SORCS1: variants seen among roughly 807,000 people sequenced by gnomAD.
SORCS1 encodes VPS10 domain-containing receptor SorCS1.
Under a neutral mutation model 146.1 loss-of-function variants are expected in SORCS1, and 60 were observed. That is an observed-to-expected ratio of 0.41 (90% CI 0.33 to 0.51). The LOEUF (loss-of-function observed/expected upper bound fraction) is 0.51. Ranked by LOEUF, SORCS1 falls within the 20% of genes least tolerant of loss-of-function variation. The probability of loss-of-function intolerance (pLI) is 0.21; values close to 1 mark genes in which losing one functional copy is unlikely to be tolerated. For synonymous variants in SORCS1, 637 were observed against 584.0 expected (o/e 1.09, Z -1.31); for missense variants, 1,352 against 1,487.6 (o/e 0.91, Z 1.50).
chr10:107,130,781 A>T (rs970163929), intron 1 of SORCS1, among the ~76,000 whole-genome samples: 42 of 152,100 alleles, frequency 2.8e-4, no homozygotes, highest in African/African-American at 1.0e-3. Flanking sequence ...AATTGGAATT[A>T]AAAAATACAT....
chr10:106,912,819 C>T (rs916425288), intron 2 of SORCS1, among the ~76,000 whole-genome samples: 1 of 152,104 alleles, frequency 6.6e-6, no homozygotes, highest in Non-Finnish European at 1.5e-5. Flanking sequence ...GCTGGGACTA[C>T]AGGCGCACAC....
intron 1 of SORCS1, among the ~76,000 whole-genome samples, chr10:107,027,187 T>C (rs1032175101): frequency 6.6e-6 from 1 of 151,764 alleles, no homozygotes; most frequent in Non-Finnish European, 1.5e-5. Context: ...TCGTAAAATA[T>C]TCACTGTTTA....
At chr10:107,127,368 C>T (rs1565079011) in intron 1 of SORCS1, among the ~76,000 whole-genome samples, 1 of 152,076 alleles carries the variant, frequency 6.6e-6, no homozygotes, top group East Asian at 1.9e-4. Context: ...GTTTGGGCCT[C>T]CATAGGTCTG....
At chr10:107,111,648 A>G (rs936076849) in intron 1 of SORCS1, among the ~76,000 whole-genome samples, 5 of 152,198 alleles carry the variant, frequency 3.3e-5, no homozygotes, top group Non-Finnish European at 7.4e-5. Flanking sequence ...AGTAAGAGAC[A>G]GAGAATTATT....
chr10:107,003,437 T>A (rs1485941922), intron 1 of SORCS1, among the ~76,000 whole-genome samples: 1 of 112,558 alleles, frequency 8.9e-6, no homozygotes, highest in Non-Finnish European at 1.6e-5. Flanking sequence ...TAAGTGTGTG[T>A]GTGTGTGTGT....
In SORCS1 at chr10:106,970,338, T is replaced by TTTTTTTC. The variant is rs1260679341; in HGVS notation, c.559-13759_559-13758insGAAAAAA. On this transcript the variant is annotated intron_variant, in intron 1 of 25. Coordinates refer to ENST00000263054, the MANE Select transcript of SORCS1 (RefSeq NM_052918.5). ...CCCTCCAAATGTAACCAACATCTCT[T>TTTTTTTC]TTTTTTTTTTTTTTTTTGAGATGGA... 1.1e-3 allele frequency among the ~76,000 whole-genome samples: 142 copies of TTTTTTTC among 129,638 alleles called. 5 individuals carry two copies. Among genetic ancestry groups the TTTTTTTC allele is most frequent in the African/African-American group, 4.7e-3 (131 of 27,776 alleles). The allele number at this position is 129,638 out of a possible 152,430, so 85.0% of individuals were successfully genotyped here.
intron 1 of SORCS1, among the ~76,000 whole-genome samples, chr10:107,008,323 A>G (rs567094869): frequency 6.6e-6 from 1 of 152,332 alleles, no homozygotes; most frequent in South Asian, 2.1e-4. Context: ...AGCAGTGTTC[A>G]AGCCAAGTCA....
chr10:106,707,565 A>G (rs1282549212), intron 7 of SORCS1, among the ~76,000 whole-genome samples: 2 of 152,126 alleles, frequency 1.3e-5, no homozygotes, highest in Non-Finnish European at 2.9e-5. Context: ...CAGTGGCACA[A>G]TCATAGCTCA....
At chr10:106,807,385 T>G (rs150368653) in intron 3 of SORCS1, among the ~76,000 whole-genome samples, 1 of 152,272 alleles carries the variant, frequency 6.6e-6, no homozygotes, top group Non-Finnish European at 1.5e-5. Context: ...AATAAATTGT[T>G]TCATTCACTA....
At chr10:107,105,411 G>C (rs941039883) in intron 1 of SORCS1, among the ~76,000 whole-genome samples, 1 of 152,296 alleles carries the variant, frequency 6.6e-6, no homozygotes, top group Non-Finnish European at 1.5e-5. Context: ...ACGATCATAA[G>C]GTGAAGTCCC....
At chr10:107,169,799 C>T in the SORCS1 span, among the ~76,000 whole-genome samples, 3 of 152,076 alleles carry the variant, frequency 2.0e-5, no homozygotes, top group African/African-American at 7.2e-5. Flanking sequence ...CCTTTTCCCC[C>T]CTGTTTTGTC....
Position 106,774,001 on chromosome 10 carries a change from T to C in SORCS1, c.885+2533A>G, listed in dbSNP as rs1041407712. Among the ~76,000 whole-genome samples the C allele has an allele frequency of 8.0e-4, 122 of 152,170 alleles. 2 individuals carry two copies. The highest frequency in any genetic ancestry group is 7.4e-5 in the Non-Finnish European group (5 of 67,996). ...AAACGTCAGGTAGCCCCTTACCCCATTTGTAGAATATCCACATGTGATACC... is the reference window on the plus strand; with the variant it reads ...AAACGTCAGGTAGCCCCTTACCCCACTTGTAGAATATCCACATGTGATACC... On this transcript the variant is annotated intron_variant, in intron 4 of 25. Coordinates refer to ENST00000263054, the MANE Select transcript of SORCS1 (RefSeq NM_052918.5).
At chr10:107,068,671 C>G (rs551549872) in intron 1 of SORCS1, among the ~76,000 whole-genome samples, 5 of 152,220 alleles carry the variant, frequency 3.3e-5, no homozygotes, top group Admixed American at 3.3e-4. Context: ...TCAAGACCAT[C>G]CTGGCTAACA....
At chr10:107,053,869 C>T (rs929233631) in intron 1 of SORCS1, among the ~76,000 whole-genome samples, 3 of 152,142 alleles carry the variant, frequency 2.0e-5, no homozygotes, top group African/African-American at 4.8e-5. Context: ...ATGCACATGC[C>T]TGTCTGGCAA....
chr10:106,600,962 C>T (rs906760791), intron 23 of SORCS1, among the ~76,000 whole-genome samples: 1 of 152,136 alleles, frequency 6.6e-6, no homozygotes, highest in Non-Finnish European at 1.5e-5. Context: ...GTGAAGCACC[C>T]GAAGTTAAAA....
At chr10:107,025,418 T>C (rs1311639822) in intron 1 of SORCS1, among the ~76,000 whole-genome samples, 2 of 152,206 alleles carry the variant, frequency 1.3e-5, no homozygotes, top group Non-Finnish European at 2.9e-5. Flanking sequence ...AGTGCCTCTC[T>C]TTTGAATCAG....
chr10:107,117,452 TCAAAGCTGTGAGATCAGGGCCCCC>T (rs1339064614), intron 1 of SORCS1, among the ~76,000 whole-genome samples: 2 of 152,144 alleles, frequency 1.3e-5, no homozygotes, highest in African/African-American at 2.4e-5. Flanking sequence ...AAGCCTCTTC[TCAAAGCTGTGAGATCAGGGCCCCC>T]CAGAACTGTG....
chr10:107,148,349 G>A (rs1380746869), intron 1 of SORCS1, among the ~76,000 whole-genome samples: 3 of 152,324 alleles, frequency 2.0e-5, no homozygotes, highest in Non-Finnish European at 4.4e-5. Flanking sequence ...CTTTGTTGTT[G>A]TAGCAGGAAA....
chr10:106,611,943 T>A lies in SORCS1; in HGVS notation c.3001A>T (p.Ile1001Phe). 1 of 1,614,142 alleles carries A rather than the reference T, an allele frequency of 6.2e-7. No homozygotes were observed. Among genetic ancestry groups the A allele is most frequent in the Non-Finnish European group, 8.5e-7 (1 of 1,179,992 alleles). Residue 1001 changes from isoleucine to phenylalanine, a missense_variant, in exon 22 of 26, where the codon ATC becomes TTC. Ile to Phe is a conservative substitution (Grantham distance 21, BLOSUM62 0). Coordinates refer to ENST00000263054, the MANE Select transcript of SORCS1 (RefSeq NM_052918.5). ...NPDIPEWRRD[I>F]GRVIKKSLVE... ...AGGGATTTTTTGATGACTCGACCGATGTCCCTCCTCCACTCAGGGATGTCC... is the reference window on the plus strand; with the variant it reads ...AGGGATTTTTTGATGACTCGACCGAAGTCCCTCCTCCACTCAGGGATGTCC...
Sources: allele counts gnomAD v4.1 joint callset (sites outside exome capture counted in the v4.1 genomes callset), GRCh38; gene constraint gnomAD v4.1.1; transcripts MANE v1.5; gene names NCBI Gene and HGNC (gene_info 2026-07-23, HGNC 2026-07-21).